Variants in SYT8 observed in about 807,000 individuals in gnomAD.
The protein encoded by SYT8 is synaptotagmin-8.
In SYT8, 50 loss-of-function variants were observed where a neutral mutation model predicts 34.9. The ratio of observed to expected loss-of-function variants is 1.43; its 90% CI spans 1.14 to 1.81. SYT8 has a LOEUF of 1.81. SYT8 is among the 40% of genes most tolerant of loss of function. The pLI, the probability that SYT8 is intolerant of heterozygous loss-of-function variation, is 0.00. For missense variants in SYT8, 595 were observed against 529.0 expected (o/e 1.12, Z -1.22); for synonymous variants, 255 against 234.2 (o/e 1.09, Z -0.81).
chr11:1,836,757 C>G lies in SYT8; in HGVS notation c.686C>G (p.Pro229Arg). Residue 229 changes from proline to arginine, a missense_variant and splice_region_variant, in exon 6 of 8, where the codon CCC becomes CGC. Transcript: ENST00000341958. ...YLLGPPAATQ[P>R]EQVGELCFSL... is the part of the protein sequence containing the mutation. ...TGAAGCCCCTCTTGCTGCCCACAGCCCGAGCAGGTCGGGGAGCTGTGCTTC... is the reference window on the plus strand; with the variant it reads ...TGAAGCCCCTCTTGCTGCCCACAGCGCGAGCAGGTCGGGGAGCTGTGCTTC... 1 of 1,608,770 alleles carries G rather than the reference C, an allele frequency of 6.2e-7. No individual in the cohort carries two copies. Among genetic ancestry groups the G allele is most frequent in the Non-Finnish European group, 8.5e-7 (1 of 1,179,692 alleles).
At chr11:1,833,451 A>T (rs1355895732), upstream of SYT8, among the ~76,000 whole-genome samples, 1 of 152,228 alleles carries the variant, frequency 6.6e-6, no homozygotes, top group Non-Finnish European at 1.5e-5. Flanking sequence ...CCCTCTGAGC[A>T]TGGGGCCCTG....
In SYT8 at chr11:1,835,710, G is replaced by A. The variant is rs555688862; in HGVS notation, c.259-176G>A. Reference sequence around the variant, plus strand: ...AGGCAGGGGGTACCCCAGATGCCACGTTTTGGGTGGGTTTGGCCGGTCTCA... The same window carrying A: ...AGGCAGGGGGTACCCCAGATGCCACATTTTGGGTGGGTTTGGCCGGTCTCA... On this transcript the variant is annotated intron_variant, in intron 2 of 7. Transcript: ENST00000341958. 3,236 of 753,556 alleles carry A rather than the reference G, an allele frequency of 4.3e-3. 12 individuals are homozygous for A. Among genetic ancestry groups the A allele is most frequent in the Non-Finnish European group, 5.6e-3 (2,528 of 455,142 alleles). 46.7% of individuals were successfully genotyped at this position (753,556 alleles called of 1,614,324 possible). A position where few individuals can be genotyped will look rare whatever the true frequency, so the allele number is the denominator to read the frequency against.
upstream of SYT8, among the ~76,000 whole-genome samples, chr11:1,833,340 C>T (rs925726606): frequency 6.6e-6 from 1 of 152,188 alleles, no homozygotes; most frequent in Non-Finnish European, 1.5e-5. Context: ...CGACAAGCTC[C>T]GTCATTTGTG....
chr11:1,834,252 G>A (rs964062779), upstream of SYT8: 11 of 479,320 alleles, frequency 2.3e-5, no homozygotes, highest in Non-Finnish European at 3.7e-5. The surrounding 1 kb of genome is among the most constrained non-coding windows in gnomAD (Gnocchi z 4.5). Context: ...TAGGCAGGCG[G>A]GTACAGGGGC....
chr11:1,833,495 C>T (rs1234816056), upstream of SYT8, among the ~76,000 whole-genome samples: 1 of 152,260 alleles, frequency 6.6e-6, no homozygotes, highest in South Asian at 2.1e-4. Context: ...CTGGCCCTGA[C>T]CTCCGCATCT....
In SYT8 at chr11:1,837,020, C is replaced by T. The variant is rs1846981077; in HGVS notation, c.854C>T (p.Thr285Ile). ...AAGTGGAAGAAGAGAAAGACAGCCA[C>T]CAAAAAGGGCACGGCGGCCCCCTAC... ...QRKWKKRKTA[T>I]KKGTAAPYFN... The change falls in exon 7 of 8, where the codon ACC (threonine) becomes ATC (isoleucine). Residue 285 changes from threonine (T) to isoleucine (I), a missense_variant. Transcript: ENST00000341958. 1.9e-6 allele frequency: 3 copies of T among 1,613,890 alleles called. No homozygotes were observed. The highest frequency in any genetic ancestry group is 1.1e-5 in the South Asian group (1 of 91,090).
chr11:1,837,438 C>T lies in SYT8; in HGVS notation c.*7C>T. 1 of 1,604,906 alleles carries T rather than the reference C, an allele frequency of 6.2e-7. No individual in the cohort carries two copies. On this transcript the variant is annotated 3_prime_UTR_variant, in exon 8 of 8. Transcript: ENST00000341958. ...GCCCTTGCCCCACTCCTGAATGCAC[C>T]ACATGCCTCTGTCTCCCCGCTGAGC...
rs374297759 is a variant in SYT8, at chr11:1,837,456, C to T, written c.*25C>T. On this transcript the variant is annotated 3_prime_UTR_variant, in exon 8 of 8. Transcript: ENST00000341958. The stretch of plus-strand genomic sequence containing the variant: ...AATGCACCACATGCCTCTGTCTCCC[C>T]GCTGAGCCCAGGCACTTGCCCAGGC... 76 of 1,600,724 alleles carry T rather than the reference C, an allele frequency of 4.7e-5. No homozygotes were observed. Among genetic ancestry groups the T allele is most frequent in the South Asian group, 3.5e-4 (32 of 90,628 alleles).
At chr11:1,834,622 G>T, upstream of SYT8, 1 of 1,584,470 alleles carries the variant, frequency 6.3e-7, no homozygotes, top group Non-Finnish European at 8.6e-7. The surrounding 1 kb of genome is among the most constrained non-coding windows in gnomAD (Gnocchi z 4.5). Flanking sequence ...GCTGTGGTGC[G>T]TGCTGGGGTA....
chr11:1,834,448 CT>C, upstream of SYT8: 1 of 905,990 alleles, frequency 1.1e-6, no homozygotes, highest in South Asian at 1.4e-5. The surrounding 1 kb of genome is among the most constrained non-coding windows in gnomAD (Gnocchi z 4.5). Flanking sequence ...CCCTGAGCCC[CT>C]GCCAGGAATG....
upstream of SYT8, among the ~76,000 whole-genome samples, chr11:1,833,237 C>T (rs968168261): frequency 2.6e-5 from 4 of 152,114 alleles, no homozygotes; most frequent in African/African-American, 9.7e-5. Flanking sequence ...CTGGGAGTGT[C>T]CCCCAGGAGC....
chr11:1,832,522 T>C (rs1846703623), upstream of SYT8, among the ~76,000 whole-genome samples: 1 of 151,962 alleles, frequency 6.6e-6, no homozygotes, highest in African/African-American at 2.4e-5. Flanking sequence ...TTCCCAGATC[T>C]GGGAGGGGAG....
chr11:1,835,131 G>C lies in SYT8; in HGVS notation c.26G>C (p.Ser9Thr). The C allele has an allele frequency of 6.2e-7, 1 of 1,613,346 alleles. No homozygotes were observed. Among genetic ancestry groups the C allele is most frequent in the Non-Finnish European group, 8.5e-7 (1 of 1,179,898 alleles). The change falls in exon 1 of 8, where the codon AGT (serine) becomes ACT (threonine). Residue 9 changes from serine to threonine, a missense_variant. Transcript: ENST00000341958. ...ATGGGGCACCCACCAGTCTCTCCCAGTGCCCCGGCCCCAGCTGGCACCACA... is the reference window on the plus strand; with the variant it reads ...ATGGGGCACCCACCAGTCTCTCCCACTGCCCCGGCCCCAGCTGGCACCACA... MGHPPVSPSAPAPAGTTAI... is the reference protein window; with the variant it reads MGHPPVSPTAPAPAGTTAI...
intron 6 of SYT8, 22 bp downstream of exon 6, chr11:1,836,883 G>T: frequency 1.2e-6 from 2 of 1,612,620 alleles, no homozygotes; most frequent in Non-Finnish European, 8.5e-7. Flanking sequence ...ACCTGCCCAC[G>T]TTGTTGTACA....
chr11:1,836,822 G>A lies in SYT8; in HGVS notation c.751G>A (p.Val251Met). ...YVPSSGRLTV[V>M]VLEARGLRPG... ...GCCCAGCTCAGGCCGGCTGACCGTG[G>A]TGGTGCTGGAGGCTCGAGGCCTGCG... Residue 251 changes from valine to methionine, a missense_variant, in exon 6 of 8, where the codon GTG (valine) becomes ATG (methionine). Coordinates refer to ENST00000341958, the MANE Select transcript of SYT8 (RefSeq NM_001394072.1). 6.2e-6 allele frequency: 10 copies of A among 1,611,704 alleles called. No homozygotes were observed. The highest frequency in any genetic ancestry group is 7.6e-6 in the Non-Finnish European group (9 of 1,179,982).
At chr11:1,836,046 A>G in intron 3 of SYT8, 62 bp downstream of exon 3, 1 of 1,580,996 alleles carries the variant, frequency 6.3e-7, no homozygotes, top group Non-Finnish European at 8.6e-7. Context: ...GTGACGGGGG[A>G]AGGGCAGACC....
At position 1,837,320 on chromosome 11, in the gene SYT8, C is replaced by T. The variant is rs766406217; in HGVS notation, c.1053C>T (p.His351=). The change falls in exon 8 of 8, where the codon CAC becomes CAT. Residue 351 remains histidine, a synonymous_variant. Transcript: ENST00000341958. ...AGCACTGGGCAGACATGCTGGCCCACGCCCGGCGGCCCATTGCCCAGCGGC... is the reference window on the plus strand; with the variant it reads ...AGCACTGGGCAGACATGCTGGCCCATGCCCGGCGGCCCATTGCCCAGCGGC... ...PLQHWADMLA[H]ARRPIAQRHP... The T allele has an allele frequency of 2.7e-5, 43 of 1,589,418 alleles. No individual in the cohort carries two copies. The highest frequency in any genetic ancestry group is 1.2e-4 in the African/African-American group (9 of 74,636).
chr11:1,834,985 C>G (rs925917957), upstream of SYT8: 13 of 1,048,556 alleles, frequency 1.2e-5, no homozygotes, highest in South Asian at 2.9e-5. The surrounding 1 kb of genome is among the most constrained non-coding windows in gnomAD (Gnocchi z 4.5). Context: ...CCTCCTTGCC[C>G]TGGCAGACCC....
At chr11:1,834,637 C>G, upstream of SYT8, 1 of 1,576,480 alleles carries the variant, frequency 6.3e-7, no homozygotes, top group Non-Finnish European at 8.6e-7. The surrounding 1 kb of genome is among the most constrained non-coding windows in gnomAD (Gnocchi z 4.5). Context: ...GGGGTAGAGG[C>G]AAGGAAGTGA....
Sources: allele counts gnomAD v4.1 joint callset (sites outside exome capture counted in the v4.1 genomes callset), GRCh38; gene constraint gnomAD v4.1.1; non-coding constraint Gnocchi (gnomAD v3.1); transcripts MANE v1.5; gene names NCBI Gene and HGNC (gene_info 2026-07-23, HGNC 2026-07-21).